LDLRAD4: variants seen among roughly 807,000 people sequenced by gnomAD.
LDLRAD4 encodes low-density lipoprotein receptor class A domain-containing protein 4.
In LDLRAD4, 5 loss-of-function variants were observed where a neutral mutation model predicts 17.0. The ratio of observed to expected loss-of-function variants is 0.29; its 90% CI spans 0.15 to 0.62. LDLRAD4 has a LOEUF of 0.62. Among genes scored for constraint, LDLRAD4 ranks in the 20% least tolerant of loss-of-function variants. The pLI, the probability that LDLRAD4 is intolerant of heterozygous loss-of-function variation, is 0.84. For missense variants in LDLRAD4, 340 were observed against 424.7 expected (o/e 0.80, Z 1.75); for synonymous variants, 168 against 171.8 (o/e 0.98, Z 0.17).
chr18:13,231,960 A>G (rs1037167052), intron 1 of LDLRAD4, among the ~76,000 whole-genome samples: 2 of 152,222 alleles, frequency 1.3e-5, no homozygotes. Flanking sequence ...TCTGAAGGTC[A>G]TTGGTCCCAG....
chr18:13,434,073 C>G (rs1363154223), intron 2 of LDLRAD4, among the ~76,000 whole-genome samples: 1 of 152,118 alleles, frequency 6.6e-6, no homozygotes, highest in East Asian at 1.9e-4. Flanking sequence ...TCCCTCTCAG[C>G]ATTAAGATTT....
At chr18:13,234,375 A>G (rs1006648416) in intron 1 of LDLRAD4, among the ~76,000 whole-genome samples, 8 of 150,302 alleles carry the variant, frequency 5.3e-5, no homozygotes, top group Non-Finnish European at 1.2e-4. Context: ...TGTCTCCTGC[A>G]CGGGGCCTGG....
intron 1 of LDLRAD4, among the ~76,000 whole-genome samples, chr18:13,304,396 G>A (rs377258436): frequency 8.6e-4 from 131 of 152,332 alleles, no homozygotes; most frequent in African/African-American, 3.0e-3. Flanking sequence ...TGCAGAGATG[G>A]GAGATGGCCC....
At position 13,358,220 on chromosome 18, in the gene LDLRAD4, T is replaced by C. The variant is rs931181860; in HGVS notation, c.-382-29121T>C. On this transcript the variant is annotated intron_variant, in intron 1 of 5. Transcript: ENST00000359446. ...TATTCACTGACACGAGGTTATTGTT[T>C]TTAGGACTTTTTAGTGGACAGAGCC... 2.6e-5 allele frequency among the ~76,000 whole-genome samples: 4 copies of C among 152,154 alleles called. No homozygotes were observed. The East Asian group carries it at 7.7e-4, about 29-fold the overall frequency.
At chr18:13,372,099 GGTTA>G (rs1035478116) in intron 1 of LDLRAD4, among the ~76,000 whole-genome samples, 3 of 152,180 alleles carry the variant, frequency 2.0e-5, no homozygotes, top group African/African-American at 7.2e-5. Flanking sequence ...AAATGTAAAA[GGTTA>G]GTTTACCATA....
At position 13,267,592 on chromosome 18, in the gene LDLRAD4, C is replaced by A. The variant is rs191727332; in HGVS notation, c.-466-10513C>A. 5.3e-5 allele frequency among the ~76,000 whole-genome samples: 8 copies of A among 152,372 alleles called. No homozygotes were observed. The East Asian group carries it at 1.5e-3, about 29-fold the overall frequency. On this transcript the variant is annotated intron_variant, in intron 1 of 5. Coordinates refer to the LDLRAD4 transcript ENST00000399848. ...GCCGTCAGTTTTCGCTCAGATCCAG[C>A]TCCTGCTGCTGTCTAACTGAGATGA...
chr18:13,639,520 C>T (rs1171657486), intron 4 of LDLRAD4, among the ~76,000 whole-genome samples: 1 of 152,154 alleles, frequency 6.6e-6, no homozygotes, highest in Non-Finnish European at 1.5e-5. Flanking sequence ...GGTGGAATGA[C>T]CAGAGAAGGC....
chr18:13,546,726 G>A (rs1039768327), intron 3 of LDLRAD4, among the ~76,000 whole-genome samples: 9 of 152,152 alleles, frequency 5.9e-5, no homozygotes, highest in Non-Finnish European at 1.0e-4. Flanking sequence ...GATGCTGTCG[G>A]GCACGTGGTT....
chr18:13,485,602 G>A (rs910460653), intron 3 of LDLRAD4, among the ~76,000 whole-genome samples: 13 of 152,242 alleles, frequency 8.5e-5, no homozygotes, highest in African/African-American at 2.9e-4. Context: ...GGCCCGGGGC[G>A]TGGCCTGGGA....
intron 1 of LDLRAD4, among the ~76,000 whole-genome samples, chr18:13,376,761 C>T (rs531117769): frequency 1.3e-5 from 2 of 152,290 alleles, no homozygotes; most frequent in South Asian, 4.1e-4. Context: ...GGCTGCCTGG[C>T]GGGATACATG....
intron 4 of LDLRAD4, among the ~76,000 whole-genome samples, chr18:13,624,152 G>C (rs930254087): frequency 1.3e-5 from 2 of 152,042 alleles, no homozygotes; most frequent in Non-Finnish European, 1.5e-5. Flanking sequence ...CGGAGGAGCC[G>C]GCCCCACCAG....
At chr18:13,363,139 G>C (rs935894455) in intron 1 of LDLRAD4, among the ~76,000 whole-genome samples, 4 of 151,962 alleles carry the variant, frequency 2.6e-5, no homozygotes, top group African/African-American at 4.8e-5. Context: ...GACCATCCTG[G>C]CTACCACGGT....
chr18:13,446,300 G>A (rs2091400524), intron 3 of LDLRAD4, among the ~76,000 whole-genome samples: 1 of 152,168 alleles, frequency 6.6e-6, no homozygotes, highest in Non-Finnish European at 1.5e-5. Flanking sequence ...GTCTTTGGAG[G>A]TGCTATTTTC....
At chr18:13,392,906 G>A (rs2086383892) in intron 2 of LDLRAD4, among the ~76,000 whole-genome samples, 1 of 152,186 alleles carries the variant, frequency 6.6e-6, no homozygotes, top group Non-Finnish European at 1.5e-5. Context: ...GCAGTTAGTA[G>A]TCTTTGTCTG....
chr18:13,323,301 C>T (rs2081353245), intron 1 of LDLRAD4, among the ~76,000 whole-genome samples: 1 of 152,262 alleles, frequency 6.6e-6, no homozygotes, highest in Non-Finnish European at 1.5e-5. Flanking sequence ...CGCCTGGCTG[C>T]AGCATGTCAC....
At chr18:13,303,399 C>G (rs1476455064) in intron 1 of LDLRAD4, among the ~76,000 whole-genome samples, 1 of 152,180 alleles carries the variant, frequency 6.6e-6, no homozygotes, top group Non-Finnish European at 1.5e-5. Flanking sequence ...GTGCATGCCA[C>G]CATGCCAGCT....
intron 3 of LDLRAD4, among the ~76,000 whole-genome samples, chr18:13,547,440 C>T (rs867439392): frequency 5.3e-5 from 8 of 152,196 alleles, no homozygotes; most frequent in East Asian, 1.9e-4. Context: ...ACCTTGTAGC[C>T]GGTGGCACCT....
At chr18:13,347,253 G>T (rs1412372275) in intron 1 of LDLRAD4, among the ~76,000 whole-genome samples, 5 of 152,162 alleles carry the variant, frequency 3.3e-5, no homozygotes, top group Admixed American at 6.5e-5. Flanking sequence ...AGGAGCTCTT[G>T]TAGGGCAGGC....
chr18:13,616,820 C>T (rs1264064687), intron 3 of LDLRAD4, among the ~76,000 whole-genome samples: 3 of 152,214 alleles, frequency 2.0e-5, no homozygotes, highest in Admixed American at 6.5e-5. Flanking sequence ...CCACTCGATT[C>T]GGTTTGCAGG....
Sources: allele counts gnomAD v4.1 joint callset (sites outside exome capture counted in the v4.1 genomes callset), GRCh38; gene constraint gnomAD v4.1.1; transcripts MANE v1.5; gene names NCBI Gene and HGNC (gene_info 2026-07-23, HGNC 2026-07-21).